The following PAQR7 variants were observed in gnomAD, a reference collection of about 807,000 sequenced individuals.
The protein encoded by PAQR7 is membrane progestin receptor alpha.
PAQR7 carries 14 observed loss-of-function variants against 24.6 expected under a neutral mutation model. That is an observed-to-expected ratio of 0.57 (90% CI 0.38 to 0.89). The LOEUF is 0.89. PAQR7 is among the 40% of genes least tolerant of loss of function. The pLI is 0.00. For missense variants in PAQR7, 351 were observed against 444.0 expected (o/e 0.79, Z 1.88); for synonymous variants, 189 against 198.8 (o/e 0.95, Z 0.42).
In PAQR7 at chr1:25,875,275, C is replaced by T. The variant is rs2048640858; in HGVS notation, c.-109+213G>A. ...TCCTCCTTCCTGCGCCCTCCGCTGG[C>T]TGCTTCCCCGGGCGGGCGTCCTCTC... On this transcript the variant is annotated intron_variant, in intron 1 of 2. Coordinates refer to ENST00000675840, the MANE Select transcript of PAQR7 (RefSeq NM_178422.6). This position sits in a 1 kb window ranked among gnomAD's most constrained non-coding sequence, Gnocchi z 5.4. Among the ~76,000 whole-genome samples the T allele has an allele frequency of 6.6e-6, 1 of 152,238 alleles. No homozygotes were observed. Among genetic ancestry groups the T allele is most frequent in the African/African-American group, 2.4e-5 (1 of 41,472 alleles).
rs550428666 is a variant in PAQR7 at position 25,862,730 on chromosome 1, C to G, written c.*69G>C. The G allele has an allele frequency of 1.6e-5, 24 of 1,483,628 alleles. No homozygotes were observed. The highest frequency in any genetic ancestry group is 2.1e-5 in the Non-Finnish European group (23 of 1,089,688). 91.9% of individuals were successfully genotyped at this position (1,483,628 alleles called of 1,614,324 possible). A position where few individuals can be genotyped will look rare whatever the true frequency, so the allele number is the denominator to read the frequency against. On this transcript the variant is annotated 3_prime_UTR_variant, in exon 3 of 3. Coordinates refer to ENST00000675840, the MANE Select transcript of PAQR7 (RefSeq NM_178422.6). ...CAAACAACTTTACCAGGCCTTGTTC[C>G]CACCTGGAGCCAAACCCAGACCCCT...
chr1:25,871,360 A>G (rs2048604263), intron 1 of PAQR7: 1 of 152,276 alleles, frequency 6.6e-6, no homozygotes, highest in Non-Finnish European at 1.5e-5. Context: ...AGCCCTGGAG[A>G]GCACGAGGGC....
chr1:25,874,450 G>T (rs1340953784), intron 1 of PAQR7, among the ~76,000 whole-genome samples: 1 of 152,200 alleles, frequency 6.6e-6, no homozygotes, highest in East Asian at 1.9e-4. Flanking sequence ...ACGAGCTATA[G>T]TCACCCAGCA....
intron 2 of PAQR7, among the ~76,000 whole-genome samples, chr1:25,869,534 T>C (rs1364438790): frequency 1.4e-5 from 2 of 145,222 alleles, no homozygotes; most frequent in Non-Finnish European, 3.0e-5. Flanking sequence ...ATCGTGCCAC[T>C]GTACTCCAGT....
At chr1:25,870,572 C>G (rs807067) in intron 2 of PAQR7, 37 bp downstream of exon 2, 1 of 152,072 alleles carries the variant, frequency 6.6e-6, no homozygotes, top group Non-Finnish European at 1.5e-5. Flanking sequence ...ATGAGACTTA[C>G]GGGGAAACCG....
chr1:25,862,643 G>T lies in PAQR7; in HGVS notation c.*156C>A. ...ACTCCTAGCCAATCCCTAAATCCAA[G>T]AATTGGCCAGTGATGCCCTTGGCAG... is the stretch of plus-strand genomic sequence containing the variant. On this transcript the variant is annotated 3_prime_UTR_variant, in exon 3 of 3. Transcript: ENST00000675840. The T allele has an allele frequency of 1.2e-6, 1 of 833,430 alleles. No homozygotes were observed. Among genetic ancestry groups the T allele is most frequent in the Non-Finnish European group, 1.9e-6 (1 of 539,724 alleles). 51.6% of individuals were successfully genotyped at this position (833,430 alleles called of 1,614,324 possible).
chr1:25,862,757 T>TC lies in PAQR7; in HGVS notation c.*41dup. ...ACCTGGAGCCAAACCCAGACCCCTG[T>TC]CCCCCAACTATACCTCCCTCCCTAC... On this transcript the variant is annotated 3_prime_UTR_variant, in exon 3 of 3. Transcript: ENST00000675840. The TC allele has an allele frequency of 6.4e-7, 1 of 1,567,364 alleles. No homozygotes were observed. Among genetic ancestry groups the TC allele is most frequent in the Non-Finnish European group, 8.7e-7 (1 of 1,150,342 alleles).
At position 25,863,333 on chromosome 1, in the gene PAQR7, C is replaced by A. The variant is rs1381993240; in HGVS notation, c.507G>T (p.Gln169His). Residue 169 changes from glutamine to histidine, a missense_variant, in exon 3 of 3, where the codon CAG (glutamine) becomes CAT (histidine). Transcript: ENST00000675840. This position sits in a 1 kb window ranked among gnomAD's most constrained non-coding sequence, Gnocchi z 6.1. ...CCATGGGCAGAAAAACAGCCTGCAC[C>A]TGGGCATGCCAGGCGGGCTCGATAG... ...YYAIEPAWHA[Q>H]VQAVFLPMAA... 3 of 1,614,120 alleles carry A rather than the reference C, an allele frequency of 1.9e-6. No individual in the cohort carries two copies. The East Asian group carries it at 6.7e-5, about 36-fold the overall frequency.
Position 25,863,911 on chromosome 1 carries a change from C to T in PAQR7, c.-22-50G>A, listed in dbSNP as rs886199558. ...CAGGGGCCTGGTGTCCTCACCCCCA[C>T]GAGCAGCAGCTGGGGGGCTCTGATG... On this transcript the variant is annotated intron_variant, in intron 2 of 2. Coordinates refer to ENST00000675840, the MANE Select transcript of PAQR7 (RefSeq NM_178422.6). The surrounding 1 kb of genome is among the most constrained non-coding windows in gnomAD (Gnocchi z 6.1). 4.3e-5 allele frequency: 61 copies of T among 1,419,998 alleles called. 1 individual carries two copies. The Middle Eastern group carries it at 6.2e-4, about 14-fold the overall frequency. 88.0% of individuals were successfully genotyped at this position (1,419,998 alleles called of 1,614,324 possible).
intron 1 of PAQR7, among the ~76,000 whole-genome samples, chr1:25,872,102 C>G (rs1311003855): frequency 6.6e-6 from 1 of 152,204 alleles, no homozygotes; most frequent in Non-Finnish European, 1.5e-5. Flanking sequence ...CTGCAACAGT[C>G]CCTCAACCTC....
intron 2 of PAQR7, among the ~76,000 whole-genome samples, chr1:25,868,526 T>C (rs566555129): frequency 1.9e-4 from 28 of 151,172 alleles, no homozygotes; most frequent in African/African-American, 5.8e-4. Flanking sequence ...TTGGGCAACA[T>C]GGTAAAACCC....
intron 1 of PAQR7, among the ~76,000 whole-genome samples, chr1:25,874,736 A>G (rs1030987519): frequency 2.0e-5 from 3 of 152,302 alleles, no homozygotes; most frequent in African/African-American, 7.2e-5. Flanking sequence ...AGGGGCTGCT[A>G]CAGGGAAATT....
intron 2 of PAQR7, among the ~76,000 whole-genome samples, chr1:25,867,273 C>A (rs561229155): frequency 1.3e-5 from 2 of 151,900 alleles, no homozygotes; most frequent in Admixed American, 6.6e-5. Flanking sequence ...TGGCCTCAAG[C>A]GACCCTCCCA....
At position 25,862,632 on chromosome 1, in the gene PAQR7, C is replaced by T; in HGVS notation, c.*167G>A. ...GGACCCCAGCAACTCCTAGCCAATC[C>T]CTAAATCCAAGAATTGGCCAGTGAT... On this transcript the variant is annotated 3_prime_UTR_variant, in exon 3 of 3. Transcript: ENST00000675840. 1 of 780,040 alleles carries T rather than the reference C, an allele frequency of 1.3e-6. No homozygotes were observed. The allele number at this position is 780,040 out of a possible 1,614,324, so 48.3% of individuals were successfully genotyped here. A position where few individuals can be genotyped will look rare whatever the true frequency, so the allele number is the denominator to read the frequency against.
chr1:25,869,020 G>A (rs566419085), intron 2 of PAQR7, among the ~76,000 whole-genome samples: 13 of 151,948 alleles, frequency 8.6e-5, no homozygotes, highest in African/African-American at 1.4e-4. Flanking sequence ...CCAGCTACTC[G>A]GGAAGCTAAG....
intron 1 of PAQR7, among the ~76,000 whole-genome samples, chr1:25,872,895 A>G (rs1337077722): frequency 1.3e-5 from 2 of 152,156 alleles, no homozygotes; most frequent in African/African-American, 4.8e-5. Flanking sequence ...TTTGGGTACA[A>G]TTCCACTTCC....
chr1:25,872,925 C>T (rs2048616913), intron 1 of PAQR7, among the ~76,000 whole-genome samples: 1 of 152,190 alleles, frequency 6.6e-6, no homozygotes, highest in African/African-American at 2.4e-5. Context: ...TCCTTCTTGG[C>T]ATGCAAAATA....
In PAQR7 at chr1:25,863,930, T is replaced by C; in HGVS notation, c.-22-69A>G. 1 of 1,221,520 alleles carries C rather than the reference T, an allele frequency of 8.2e-7. No homozygotes were observed. Among genetic ancestry groups the C allele is most frequent in the Non-Finnish European group, 1.1e-6 (1 of 883,454 alleles). The allele number at this position is 1,221,520 out of a possible 1,614,324, so 75.7% of individuals were successfully genotyped here. On this transcript the variant is annotated intron_variant, in intron 2 of 2. Coordinates refer to ENST00000675840, the MANE Select transcript of PAQR7 (RefSeq NM_178422.6). The surrounding 1 kb of genome is among the most constrained non-coding windows in gnomAD (Gnocchi z 6.1). ...CCCCCACGAGCAGCAGCTGGGGGGC[T>C]CTGATGCCCAAATCCTACTCCCTCC...
intron 1 of PAQR7, among the ~76,000 whole-genome samples, chr1:25,873,825 C>T (rs2048624070): frequency 1.3e-5 from 2 of 152,198 alleles, no homozygotes; most frequent in South Asian, 4.1e-4. Context: ...CCTGCGTTGG[C>T]CTCTCAAAGT....
Sources: allele counts gnomAD v4.1 joint callset (sites outside exome capture counted in the v4.1 genomes callset), GRCh38; gene constraint gnomAD v4.1.1; non-coding constraint Gnocchi (gnomAD v3.1); transcripts MANE v1.5; gene names NCBI Gene and HGNC (gene_info 2026-07-23, HGNC 2026-07-21).